The following MPP2 variants were observed in gnomAD, a reference collection of about 807,000 sequenced individuals.
MPP2 encodes the protein MAGUK p55 subfamily member 2.
MPP2 carries 42 observed loss-of-function variants against 58.5 expected under a neutral mutation model. The observed-to-expected ratio is 0.72, with a 90% confidence interval of 0.56 to 0.93. The LOEUF (loss-of-function observed/expected upper bound fraction) is 0.93, where lower values mean the gene tolerates loss of function less well. MPP2 is among the 40% of genes least tolerant of loss of function. MPP2 has a pLI of 0.00. For missense variants in MPP2, 632 were observed against 760.4 expected, an observed-to-expected ratio of 0.83 and a Z score of 1.99; for synonymous variants, 300 against 307.8, an observed-to-expected ratio of 0.97 and a Z score of 0.26.
intron 3 of MPP2, among the ~76,000 whole-genome samples, chr17:43,897,580 CA>C (rs774632013): frequency 1.3e-5 from 2 of 152,210 alleles, no homozygotes; most frequent in Non-Finnish European, 1.5e-5. Context: ...CCAGACCTGC[CA>C]ACCTTTGCAC....
chr17:43,876,401 T>C lies in MPP2; in HGVS notation c.*1406A>G, dbSNP rs2046831010. 6.6e-6 allele frequency: 1 copy of C among 152,286 alleles called. No individual in the cohort carries two copies. The highest frequency in any genetic ancestry group is 6.5e-5 in the Admixed American group (1 of 15,274). The allele number at this position is 152,286 out of a possible 1,614,324, so 9.4% of individuals were successfully genotyped here. On this transcript the variant is annotated 3_prime_UTR_variant, in exon 13 of 13. Coordinates refer to ENST00000269095, the MANE Select transcript of MPP2 (RefSeq NM_005374.5). ...ATGCCCAAGTACATCTAGGACAGCATTCTTTCTTAAAGGGAGTCTCCTATT... is the reference window on the plus strand; with the variant it reads ...ATGCCCAAGTACATCTAGGACAGCACTCTTTCTTAAAGGGAGTCTCCTATT...
At chr17:43,892,578 A>G (rs946546482) in intron 3 of MPP2, among the ~76,000 whole-genome samples, 10 of 151,954 alleles carry the variant, frequency 6.6e-5, no homozygotes, top group Admixed American at 2.0e-4. Context: ...AGGCTCCTTT[A>G]TGGAGATTCA....
At position 43,882,775 on chromosome 17, in the gene MPP2, T is replaced by C. The variant is rs549591086; in HGVS notation, c.453+128A>G. Reference sequence around the variant, plus strand: ...TTCCCCCGACCCTTTGCTGCATCAATCCTTCCCTGCACAAAGCTGGCCCCA... The same window carrying C: ...TTCCCCCGACCCTTTGCTGCATCAACCCTTCCCTGCACAAAGCTGGCCCCA... On this transcript the variant is annotated intron_variant, in intron 5 of 12. Coordinates refer to ENST00000269095, the MANE Select transcript of MPP2 (RefSeq NM_005374.5). 3.3e-4 allele frequency: 460 copies of C among 1,396,646 alleles called. No homozygotes were observed. The African/African-American group carries it at 6.1e-3, about 18-fold the overall frequency. The allele number at this position is 1,396,646 out of a possible 1,614,324, so 86.5% of individuals were successfully genotyped here.
At chr17:43,908,470 C>A (rs1002834224), upstream of MPP2, among the ~76,000 whole-genome samples, 3 of 152,230 alleles carry the variant, frequency 2.0e-5, no homozygotes, top group Non-Finnish European at 4.4e-5. Context: ...CGCGGTGGCT[C>A]ACTCCCATAA....
At chr17:43,898,176 C>T in intron 3 of MPP2, 86 bp downstream of exon 3, 1 of 1,054,592 alleles carries the variant, frequency 9.5e-7, no homozygotes, top group Non-Finnish European at 1.5e-6. Context: ...GTCCCATTCC[C>T]AAAGCCCTCT....
chr17:43,878,600 C>T (rs1358511792), intron 12 of MPP2, among the ~76,000 whole-genome samples: 2 of 152,216 alleles, frequency 1.3e-5, no homozygotes, highest in Admixed American at 1.3e-4. Context: ...AGGCAAAGGT[C>T]CAGAGCTCCT....
chr17:43,883,447 C>G (rs2047235073), intron 3 of MPP2, 92 bp from the exon 4 acceptor site: 1 of 1,385,470 alleles, frequency 7.2e-7, no homozygotes, highest in Admixed American at 2.3e-5. Flanking sequence ...CAGGCATTTT[C>G]CCCATCCCAC....
rs1019034400 is a variant in MPP2, at chr17:43,900,911, C to G, written c.32-2531G>C. Among the ~76,000 whole-genome samples, 43 of 152,096 alleles carry G rather than the reference C, an allele frequency of 2.8e-4. 1 individual carries two copies. Among genetic ancestry groups the G allele is most frequent in the African/African-American group, 1.0e-3 (43 of 41,408 alleles). ...CTGCCCCTTCAAGACTGGCGCGGTA[C>G]TCCGAGACCCTCCCCTCACAGCCAG... is the stretch of plus-strand genomic sequence containing the variant. On this transcript the variant is annotated intron_variant, in intron 2 of 12. Coordinates refer to ENST00000269095, the MANE Select transcript of MPP2 (RefSeq NM_005374.5).
intron 4 of MPP2, 66 bp downstream of exon 4, chr17:43,883,137 C>A: frequency 1.9e-6 from 3 of 1,555,318 alleles, no homozygotes; most frequent in Admixed American, 1.9e-5. Flanking sequence ...GCTGGCCCAT[C>A]CAACAGCAGC....
At chr17:43,895,841 T>C (rs950761256) in intron 3 of MPP2, among the ~76,000 whole-genome samples, 1 of 152,152 alleles carries the variant, frequency 6.6e-6, no homozygotes, top group Non-Finnish European at 1.5e-5. Context: ...GGATCTTCGA[T>C]TGCTGAATGA....
chr17:43,901,587 C>G, intron 2 of MPP2: 1 of 985,436 alleles, frequency 1.0e-6, no homozygotes, highest in Non-Finnish European at 1.2e-6. Context: ...GTTGCCATGA[C>G]AGTAGAATTA....
chr17:43,893,866 C>A (rs938460141), intron 3 of MPP2, among the ~76,000 whole-genome samples: 1 of 152,192 alleles, frequency 6.6e-6, no homozygotes, highest in Non-Finnish European at 1.5e-5. Flanking sequence ...TCAAATGAAT[C>A]TCCCTATCTC....
chr17:43,907,508 C>T lies in MPP2; in HGVS notation c.-68G>A, dbSNP rs2048339585. The T allele has an allele frequency of 3.0e-6, 3 of 985,506 alleles. No individual in the cohort carries two copies. Among genetic ancestry groups the T allele is most frequent in the Non-Finnish European group, 3.6e-6 (3 of 829,958 alleles). 61.0% of individuals were successfully genotyped at this position (985,506 alleles called of 1,614,324 possible). On this transcript the variant is annotated 5_prime_UTR_variant, in exon 1 of 13. Transcript: ENST00000269095. ...GGGAAGCCCCTAGCTCCGGGCGGCT[C>T]CAGCGCAGCCGGGCGCTCAGCGTTT...
intron 3 of MPP2, among the ~76,000 whole-genome samples, chr17:43,895,979 T>A (rs1374906772): frequency 2.0e-5 from 3 of 152,164 alleles, no homozygotes; most frequent in Non-Finnish European, 4.4e-5. Flanking sequence ...CTTCAACCAT[T>A]CCACAGATAA....
Position 43,879,163 on chromosome 17 carries a change from A to G in MPP2, c.1482+112T>C. 1 of 1,319,252 alleles carries G rather than the reference A, an allele frequency of 7.6e-7. No homozygotes were observed. The highest frequency in any genetic ancestry group is 1.5e-5 in the African/African-American group (1 of 68,430). The allele number at this position is 1,319,252 out of a possible 1,614,324, so 81.7% of individuals were successfully genotyped here. On this transcript the variant is annotated intron_variant, in intron 12 of 12. Coordinates refer to ENST00000269095, the MANE Select transcript of MPP2 (RefSeq NM_005374.5). The surrounding 1 kb of genome is among the most constrained non-coding windows in gnomAD (Gnocchi z 4.1). ...CACGTCCTGCCTCACTGATAACTGGAGCAGGCCCCTGTCCCTCCCCAACAC... is the reference window on the plus strand; with the variant it reads ...CACGTCCTGCCTCACTGATAACTGGGGCAGGCCCCTGTCCCTCCCCAACAC...
At chr17:43,909,058 C>T (rs1390346276), upstream of MPP2, among the ~76,000 whole-genome samples, 1 of 152,076 alleles carries the variant, frequency 6.6e-6, no homozygotes, top group Middle Eastern at 3.2e-3. Flanking sequence ...CCTTCTTCTT[C>T]TTCTTCTTTT....
rs1035113462 is a variant in MPP2 at position 43,877,645 on chromosome 17, G to A, written c.*162C>T. 6.6e-5 allele frequency: 45 copies of A among 678,392 alleles called. No individual in the cohort carries two copies. The highest frequency in any genetic ancestry group is 4.6e-4 in the African/African-American group (26 of 56,068). 42.0% of individuals were successfully genotyped at this position (678,392 alleles called of 1,614,324 possible). On this transcript the variant is annotated 3_prime_UTR_variant, in exon 13 of 13. Coordinates refer to ENST00000269095, the MANE Select transcript of MPP2 (RefSeq NM_005374.5). The stretch of plus-strand genomic sequence containing the variant: ...AATGCCCACCTCCCTGGCAGTGCAC[G>A]CCTCTGTGCTGAAGCCAGACTTAGG...
At position 43,882,927 on chromosome 17, in the gene MPP2, G is replaced by C; in HGVS notation, c.429C>G (p.Ile143Met). 1 of 1,614,134 alleles carries C rather than the reference G, an allele frequency of 6.2e-7. No individual in the cohort carries two copies. The highest frequency in any genetic ancestry group is 8.5e-7 in the Non-Finnish European group (1 of 1,180,036). The change falls in exon 5 of 13, where the codon ATC becomes ATG. Residue 143 changes from isoleucine to methionine, a missense_variant. Transcript: ENST00000269095. ...VPPDAVRMVG[I>M]RKTAGEHLGV... Reference sequence around the variant, plus strand: ...CCAGATGTTCTCCGGCTGTCTTGCGGATGCCCACCATGCGCACAGCATCGG... The same window carrying C: ...CCAGATGTTCTCCGGCTGTCTTGCGCATGCCCACCATGCGCACAGCATCGG...
chr17:43,898,316 G>T lies in MPP2; in HGVS notation c.96C>A (p.Asp32Glu). Residue 32 changes from aspartate (D) to glutamate (E), a missense_variant, in exon 3 of 13, where the codon GAC (aspartate) becomes GAA (glutamate). Asp to Glu is a conservative substitution (Grantham distance 45). Transcript: ENST00000269095. ...LPSATGAAEL[D>E]LIFLRGIMES... ...CCATAATGCCTCGAAGGAAGATCAG[G>T]TCCAGCTCTGCAGCCCCCGTGGCAC... 2.5e-6 allele frequency: 4 copies of T among 1,614,210 alleles called. No homozygotes were observed. Among genetic ancestry groups the T allele is most frequent in the Non-Finnish European group, 3.4e-6 (4 of 1,180,034 alleles).
Sources: allele counts gnomAD v4.1 joint callset (sites outside exome capture counted in the v4.1 genomes callset), GRCh38; gene constraint gnomAD v4.1.1; non-coding constraint Gnocchi (gnomAD v3.1); transcripts MANE v1.5; gene names NCBI Gene and HGNC (gene_info 2026-07-23, HGNC 2026-07-21).